The following DNER variants were observed in gnomAD, a reference collection of about 807,000 sequenced individuals.
DNER encodes the protein delta/notch like EGF repeat containing.
Under a neutral mutation model 78.2 loss-of-function variants are expected in DNER, and 33 were observed. The ratio of observed to expected loss-of-function variants is 0.42; its 90% CI spans 0.32 to 0.56. The LOEUF (loss-of-function observed/expected upper bound fraction) is 0.56. Among genes scored for constraint, DNER ranks in the 20% least tolerant of loss-of-function variants. The probability of loss-of-function intolerance (pLI) is 0.11; values close to 1 mark genes in which losing one functional copy is unlikely to be tolerated. For synonymous variants in DNER, 417 were observed against 384.8 expected (o/e 1.08, Z -0.98); for missense variants, 918 against 975.3 (o/e 0.94, Z 0.78).
At position 229,591,935 on chromosome 2, in the gene DNER, T is replaced by C; in HGVS notation, c.277-47A>G. 1.4e-6 allele frequency: 2 copies of C among 1,453,886 alleles called. No homozygotes were observed. The highest frequency in any genetic ancestry group is 2.5e-5 in the East Asian group (1 of 40,324). 90.1% of individuals were successfully genotyped at this position (1,453,886 alleles called of 1,614,324 possible). A position where few individuals can be genotyped will look rare whatever the true frequency, so the allele number is the denominator to read the frequency against. ...GTCAATTATTCCCTCATAAGAAAAG[T>C]GGTGCCATCGCTGGGAAATTAGCTC... On this transcript the variant is annotated intron_variant, in intron 1 of 12. Transcript: ENST00000341772. This position sits in a 1 kb window ranked among gnomAD's most constrained non-coding sequence, Gnocchi z 4.6.
At chr2:229,469,110 G>A (rs540796518) in intron 7 of DNER, among the ~76,000 whole-genome samples, 138 of 152,256 alleles carry the variant, frequency 9.1e-4, no homozygotes, top group African/African-American at 3.1e-3. Flanking sequence ...ATATTTACTC[G>A]TTCATTCATT....
At chr2:229,624,119 G>T (rs1698298155) in intron 1 of DNER, among the ~76,000 whole-genome samples, 1 of 152,182 alleles carries the variant, frequency 6.6e-6, no homozygotes, top group Non-Finnish European at 1.5e-5. Flanking sequence ...GAAAGAATTT[G>T]TTGCAGACAC....
intron 5 of DNER, among the ~76,000 whole-genome samples, chr2:229,540,874 T>A (rs1696499156): frequency 6.6e-6 from 1 of 152,204 alleles, no homozygotes; most frequent in Non-Finnish European, 1.5e-5. Flanking sequence ...TTAAGGATGG[T>A]GGGTTCCTAA....
At chr2:229,650,273 T>C (rs1698793206) in intron 1 of DNER, among the ~76,000 whole-genome samples, 1 of 152,090 alleles carries the variant, frequency 6.6e-6, no homozygotes, top group African/African-American at 2.4e-5. Flanking sequence ...CACTAAACTA[T>C]TCTCCTTTAC....
Position 229,453,949 on chromosome 2 carries a change from A to C in DNER, c.1262-6409T>G, listed in dbSNP as rs567479303. Among the ~76,000 whole-genome samples, 326 of 151,388 alleles carry C rather than the reference A, an allele frequency of 2.2e-3. 1 individual carries two copies. The highest frequency in any genetic ancestry group is 7.4e-3 in the African/African-American group (307 of 41,356). On this transcript the variant is annotated intron_variant, in intron 7 of 12. Coordinates refer to ENST00000341772, the MANE Select transcript of DNER (RefSeq NM_139072.4). ...AAAAAAAAAAAAAAAAAAAGAAAGA[A>C]GAGAAACCAGGAGAGAAAGGTGTCA...
chr2:229,599,156 A>C (rs941789304), intron 1 of DNER, among the ~76,000 whole-genome samples: 1 of 152,158 alleles, frequency 6.6e-6, no homozygotes, highest in Non-Finnish European at 1.5e-5. Context: ...GAGGGGACAC[A>C]GGGGACTCGT....
intron 7 of DNER, among the ~76,000 whole-genome samples, chr2:229,463,640 A>G (rs1197121140): frequency 6.6e-6 from 1 of 152,006 alleles, no homozygotes; most frequent in Non-Finnish European, 1.5e-5. Flanking sequence ...TGATCTCCCT[A>G]TGTTGCCCAG....
At chr2:229,691,263 A>AT (rs1160874056) in intron 1 of DNER, among the ~76,000 whole-genome samples, 2 of 152,176 alleles carry the variant, frequency 1.3e-5, no homozygotes, top group African/African-American at 4.8e-5. Flanking sequence ...TAGATTTTGT[A>AT]TTTTATGCAG....
chr2:229,365,017 A>T (rs1328516624), intron 12 of DNER, among the ~76,000 whole-genome samples: 2 of 152,018 alleles, frequency 1.3e-5, no homozygotes, highest in Admixed American at 6.6e-5. Flanking sequence ...CGTTGCTGTT[A>T]TGATACATTT....
chr2:229,561,272 T>C (rs1007073118), intron 4 of DNER, among the ~76,000 whole-genome samples: 11 of 152,188 alleles, frequency 7.2e-5, no homozygotes, highest in Admixed American at 3.3e-4. Flanking sequence ...AGATTATACC[T>C]AGCCAAATGA....
chr2:229,595,385 G>A (rs919909114), intron 1 of DNER, among the ~76,000 whole-genome samples: 8 of 151,950 alleles, frequency 5.3e-5, no homozygotes, highest in East Asian at 1.9e-4. Flanking sequence ...AGGTTCAAGC[G>A]ATTCTCCTGC....
intron 1 of DNER, among the ~76,000 whole-genome samples, chr2:229,651,378 G>T (rs55841755): frequency 6.6e-6 from 1 of 152,340 alleles, no homozygotes; most frequent in African/African-American, 2.4e-5. Context: ...CTTCTGAGTC[G>T]TCGATGTTTT....
At chr2:229,657,147 C>T (rs4972909) in intron 1 of DNER, among the ~76,000 whole-genome samples, 80,375 of 151,858 alleles carry the variant, frequency 0.53, 21,470 homozygotes, top group Non-Finnish European at 0.55. Context: ...TCCACGTCTC[C>T]ACCTTTCCCC....
intron 1 of DNER, among the ~76,000 whole-genome samples, chr2:229,702,563 T>TA (rs1437072423): frequency 1.3e-5 from 2 of 151,698 alleles, no homozygotes; most frequent in South Asian, 2.1e-4. Context: ...ATGATGATTT[T>TA]AAAAAAAGAG....
At chr2:229,515,530 T>TG (rs1397111003) in intron 5 of DNER, among the ~76,000 whole-genome samples, 1 of 152,244 alleles carries the variant, frequency 6.6e-6, no homozygotes, top group African/African-American at 2.4e-5. Context: ...CTTGGTTATT[T>TG]GACGGATACA....
intron 1 of DNER, among the ~76,000 whole-genome samples, chr2:229,654,608 A>G (rs968583466): frequency 1.3e-5 from 2 of 152,180 alleles, no homozygotes; most frequent in Non-Finnish European, 2.9e-5. Flanking sequence ...AGCCCTTTCC[A>G]GAGAAGGTCC....
intron 6 of DNER, among the ~76,000 whole-genome samples, chr2:229,483,696 CT>C (rs1482456203): frequency 6.6e-6 from 1 of 152,204 alleles, no homozygotes; most frequent in African/African-American, 2.4e-5. Context: ...AAACTCACCC[CT>C]GGACCCTGTG....
chr2:229,489,041 G>A (rs1277250183), intron 6 of DNER, among the ~76,000 whole-genome samples: 3 of 152,244 alleles, frequency 2.0e-5, no homozygotes, highest in Admixed American at 6.5e-5. Context: ...GACCCAGGAA[G>A]ATTAAGTAAC....
intron 5 of DNER, among the ~76,000 whole-genome samples, chr2:229,539,540 C>A (rs1696472373): frequency 6.6e-6 from 1 of 152,226 alleles, no homozygotes. Flanking sequence ...ACTAAATTCA[C>A]CGTTTACTTT....
Sources: allele counts gnomAD v4.1 joint callset (sites outside exome capture counted in the v4.1 genomes callset), GRCh38; gene constraint gnomAD v4.1.1; non-coding constraint Gnocchi (gnomAD v3.1); transcripts MANE v1.5; gene names NCBI Gene and HGNC (gene_info 2026-07-23, HGNC 2026-07-21).